Variants in UBP1 observed in about 807,000 individuals in gnomAD.
UBP1 encodes upstream-binding protein 1.
A neutral mutation model predicts 76.1 loss-of-function variants in UBP1; 22 were observed. The ratio of observed to expected loss-of-function variants is 0.29; its 90% CI spans 0.21 to 0.41. The LOEUF (loss-of-function observed/expected upper bound fraction) is 0.41, where lower values mean the gene tolerates loss of function less well. Among genes scored for constraint, UBP1 ranks in the 10% least tolerant of loss-of-function variants. UBP1 has a pLI of 1.00. For synonymous variants in UBP1, 224 were observed against 237.1 expected (o/e 0.94, Z 0.51); for missense variants, 436 against 668.1 (o/e 0.65, Z 3.83).
At chr3:33,390,404 G>C in intron 15 of UBP1, 36 bp from the exon 16 acceptor site, 3 of 1,613,460 alleles carry the variant, frequency 1.9e-6, no homozygotes, top group Non-Finnish European at 2.5e-6. Context: ...TCTTCAGTCA[G>C]GCTTAGGAAA....
In UBP1 at chr3:33,425,650, A is replaced by C; in HGVS notation, c.205T>G (p.Cys69Gly). The C allele has an allele frequency of 6.2e-7, 1 of 1,603,250 alleles. No individual in the cohort carries two copies. Among genetic ancestry groups the C allele is most frequent in the Non-Finnish European group, 8.5e-7 (1 of 1,171,658 alleles). The change falls in exon 2 of 16, where the codon TGT becomes GGT. Residue 69 changes from cysteine (C) to glycine (G), a missense_variant. Cys to Gly is a radical substitution (Grantham distance 159). This residue lies in a region of UBP1 where 161 missense variants were observed against 237.9 expected (regional missense o/e 0.68). Transcript: ENST00000283629. The part of the protein sequence containing the change: ...TEHPPFQYVM[C>G]AATSPAVKLH... Reference sequence around the variant, plus strand: ...TTTACTGCTGGTGACGTTGCAGCACACATCACATACTGAAAGGGTGGGTGC... The same window carrying C: ...TTTACTGCTGGTGACGTTGCAGCACCCATCACATACTGAAAGGGTGGGTGC...
At chr3:33,440,422 C>CCCCGA (rs1352025564), upstream of UBP1, 4 of 152,120 alleles carry the variant, frequency 2.6e-5, no homozygotes, top group East Asian at 1.9e-4. Flanking sequence ...CCCGGCCCCG[C>CCCCGA]CCCGACCCCG....
intron 1 of UBP1, among the ~76,000 whole-genome samples, chr3:33,427,988 C>G (rs545153473): frequency 6.6e-6 from 1 of 152,042 alleles, no homozygotes; most frequent in African/African-American, 2.4e-5. Context: ...GTCAGGAGTT[C>G]GAGACATGGC....
chr3:33,409,162 C>T, intron 7 of UBP1, 74 bp downstream of exon 7: 1 of 1,407,450 alleles, frequency 7.1e-7, no homozygotes, highest in East Asian at 2.3e-5. Flanking sequence ...CCTTTTGTAG[C>T]AGAACTCATC....
Position 33,402,843 on chromosome 3 carries a change from G to C in UBP1, c.989C>G (p.Thr330Ser). The C allele has an allele frequency of 6.2e-7, 1 of 1,609,046 alleles. No individual in the cohort carries two copies. The highest frequency in any genetic ancestry group is 8.5e-7 in the Non-Finnish European group (1 of 1,178,312). ...YVNNSPSPAP[T>S]FTSPQQSTCS... ...AGTGCTCTGCTGTGGGGAGGTGAAA[G>C]TGGGCGCTGGGGAAGGGCTGTTATT... Residue 330 changes from threonine to serine, a missense_variant, in exon 9 of 16, where the codon ACT (threonine) becomes AGT (serine). Coordinates refer to ENST00000283629, the MANE Select transcript of UBP1 (RefSeq NM_014517.5).
chr3:33,421,250 T>G (rs1692588693), intron 2 of UBP1, among the ~76,000 whole-genome samples: 2 of 150,674 alleles, frequency 1.3e-5, no homozygotes, highest in Non-Finnish European at 2.9e-5. Context: ...CTCCTCTTCT[T>G]ATTCAGGCAT....
intron 1 of UBP1, among the ~76,000 whole-genome samples, chr3:33,433,597 G>A (rs1456189287): frequency 6.6e-6 from 1 of 151,648 alleles, no homozygotes; most frequent in Non-Finnish European, 1.5e-5. Context: ...AGGTTGCGGT[G>A]AGCTGAGACA....
chr3:33,418,773 CG>C (rs1459784696), intron 2 of UBP1, among the ~76,000 whole-genome samples: 3 of 149,540 alleles, frequency 2.0e-5, no homozygotes, highest in African/African-American at 7.4e-5. Flanking sequence ...GCAGAAGAAT[CG>C]CTTGAACCTG....
At chr3:33,394,817 GTTTTTTTTTT>G (rs76142927) in intron 13 of UBP1, among the ~76,000 whole-genome samples, 8 of 110,428 alleles carry the variant, frequency 7.2e-5, no homozygotes, top group Middle Eastern at 4.8e-3. Flanking sequence ...CCCTCCACTT[GTTTTTTTTTT>G]TTTTTTTTTT....
chr3:33,427,730 C>T (rs950866416), intron 1 of UBP1, among the ~76,000 whole-genome samples: 24 of 152,212 alleles, frequency 1.6e-4, no homozygotes, highest in Admixed American at 5.9e-4. Flanking sequence ...TTCTCCCTCT[C>T]TTATTTATAC....
chr3:33,427,704 A>G (rs143008551), intron 1 of UBP1, among the ~76,000 whole-genome samples: 1,848 of 152,332 alleles, frequency 0.012, 24 homozygotes, highest in South Asian at 0.018. Context: ...TTTCAAAGAT[A>G]CTAACTATCC....
intron 1 of UBP1, among the ~76,000 whole-genome samples, chr3:33,432,151 T>C (rs944701164): frequency 2.6e-5 from 4 of 151,942 alleles, no homozygotes; most frequent in Admixed American, 6.6e-5. Flanking sequence ...TGAAACCCCG[T>C]CTCTACAAAA....
Position 33,390,127 on chromosome 3 carries a change from C to G in UBP1, c.*204G>C. The G allele has an allele frequency of 1.7e-6, 1 of 583,054 alleles. No homozygotes were observed. Among genetic ancestry groups the G allele is most frequent in the Non-Finnish European group, 3.1e-6 (1 of 325,662 alleles). The allele number at this position is 583,054 out of a possible 1,614,324, so 36.1% of individuals were successfully genotyped here. A position where few individuals can be genotyped will look rare whatever the true frequency, so the allele number is the denominator to read the frequency against. ...GCTGGATGCATGCTGTGCCGATGTG[C>G]TCACTCTCATGAGGATGCTTGGCTA... On this transcript the variant is annotated 3_prime_UTR_variant, in exon 16 of 16. Transcript: ENST00000283629.
intron 4 of UBP1, 99 bp downstream of exon 4, chr3:33,412,623 C>A: frequency 1.2e-4 from 88 of 709,144 alleles, no homozygotes; most frequent in Non-Finnish European, 1.7e-4. Flanking sequence ...AACACCAAAA[C>A]TTTCCCCACA....
chr3:33,426,809 T>C (rs1200229535), intron 1 of UBP1, among the ~76,000 whole-genome samples: 2 of 152,364 alleles, frequency 1.3e-5, no homozygotes, highest in East Asian at 1.9e-4. Context: ...CCGTATTCTG[T>C]ATCCATTCAG....
intron 8 of UBP1, among the ~76,000 whole-genome samples, chr3:33,407,204 G>A (rs1325956336): frequency 1.3e-5 from 2 of 152,146 alleles, no homozygotes; most frequent in African/African-American, 2.4e-5. Flanking sequence ...CAATACATGA[G>A]GAAGATGTGA....
At chr3:33,401,150 C>G in intron 9 of UBP1, 134 bp from the exon 10 acceptor site, 1 of 753,160 alleles carries the variant, frequency 1.3e-6, no homozygotes. Flanking sequence ...CTATGAAAGT[C>G]TGCAACAAAA....
chr3:33,411,917 G>A (rs1221431433), intron 4 of UBP1, among the ~76,000 whole-genome samples: 3 of 151,932 alleles, frequency 2.0e-5, no homozygotes, highest in South Asian at 2.1e-4. Context: ...AAGGCTGAGC[G>A]TGGTGGCTCA....
rs1468966587 is a variant in UBP1, at chr3:33,439,748, G to A, written c.101C>T (p.Ala34Val). ...SGIGQELGAG[A>V]YSMSDVLALP... Reference sequence around the variant, plus strand: ...GGGAGCCCAGTACCTCATGCTGTAAGCGCCGGCGCCCAGTTCCTGCCCGAT... The same window carrying A: ...GGGAGCCCAGTACCTCATGCTGTAAACGCCGGCGCCCAGTTCCTGCCCGAT... The change falls in exon 1 of 16, where the codon GCT becomes GTT. Residue 34 changes from alanine (A) to valine (V), a missense_variant. This residue lies in a region of UBP1 where 161 missense variants were observed against 237.9 expected (regional missense o/e 0.68). Coordinates refer to ENST00000283629, the MANE Select transcript of UBP1 (RefSeq NM_014517.5). 1 of 1,612,194 alleles carries A rather than the reference G, an allele frequency of 6.2e-7. No homozygotes were observed. Among genetic ancestry groups the A allele is most frequent in the Non-Finnish European group, 8.5e-7 (1 of 1,179,464 alleles).
Sources: gnomAD v4.1 joint callset for allele counts (sites outside exome capture counted in the v4.1 genomes callset) on GRCh38, gnomAD v4.1.1 for gene constraint, gnomAD v4.1.1 regional missense constraint, MANE v1.5 for transcripts, NCBI Gene and HGNC (gene_info 2026-07-23, HGNC 2026-07-21) for gene names.